Variants in MICAL2 observed in about 807,000 individuals in gnomAD.
The protein encoded by MICAL2 is microtubule associated monooxygenase, calponin and LIM domain containing 2.
Under a neutral mutation model 127.3 loss-of-function variants are expected in MICAL2, and 77 were observed. The ratio of observed to expected loss-of-function variants is 0.60; its 90% CI spans 0.50 to 0.73. MICAL2 has a LOEUF of 0.73. Ranked by LOEUF, MICAL2 falls within the 30% of genes least tolerant of loss-of-function variation. The pLI is 0.00. For synonymous variants in MICAL2, 570 were observed against 551.1 expected (o/e 1.03, Z -0.48); for missense variants, 1,351 against 1,434.4 (o/e 0.94, Z 0.94).
At chr11:12,306,273 T>C (rs965919621) in intron 29 of MICAL2, among the ~76,000 whole-genome samples, 2 of 140,834 alleles carry the variant, frequency 1.4e-5, no homozygotes, top group Non-Finnish European at 3.0e-5. Flanking sequence ...AATGTAACCT[T>C]TTCTTTCAAC....
In MICAL2 at chr11:12,259,802, C is replaced by T. The variant is rs756257815; in HGVS notation, c.3239C>T (p.Ala1080Val). Residue 1080 changes from alanine to valine, a missense_variant, in exon 26 of 28, where the codon GCA becomes GTA. Ala to Val is a moderately conservative substitution (Grantham distance 64). This residue lies in a region of MICAL2 where 752 missense variants were observed against 719.4 expected (regional missense o/e 1.05). Transcript: ENST00000683283. Reference protein sequence around the residue: ...AELKQQREEEATWQEQEAPRR... With the variant: ...AELKQQREEEVTWQEQEAPRR... ...TTTCCATCTCTTTCTCAGGAGGAGG[C>T]AACATGGCAAGAGCAGGAAGCCCCT... 1.9e-6 allele frequency: 3 copies of T among 1,542,668 alleles called. No individual in the cohort carries two copies. The East Asian group carries it at 6.8e-5, about 35-fold the overall frequency.
intron 2 of MICAL2, among the ~76,000 whole-genome samples, chr11:12,146,861 C>A (rs552219745): frequency 4.7e-4 from 72 of 152,098 alleles, no homozygotes; most frequent in African/African-American, 1.6e-3. Flanking sequence ...CAATATACAC[C>A]GTGGAATACT....
intron 1 of MICAL2, among the ~76,000 whole-genome samples, chr11:12,132,083 A>T (rs1851464827): frequency 1.3e-5 from 2 of 152,138 alleles, no homozygotes; most frequent in South Asian, 4.1e-4. Context: ...CAAGGCAGGG[A>T]TCCAAGCCTA....
intron 25 of MICAL2, chr11:12,259,542 G>T (rs1311271559): frequency 9.9e-6 from 4 of 402,924 alleles, no homozygotes; most frequent in Non-Finnish European, 1.8e-5. Context: ...TTTACTTGAT[G>T]TATATCATTA....
intron 29 of MICAL2, among the ~76,000 whole-genome samples, chr11:12,306,353 T>C (rs1864109096): frequency 6.6e-6 from 1 of 152,176 alleles, no homozygotes; most frequent in South Asian, 2.1e-4. Flanking sequence ...CTATATTTCA[T>C]TGTGGGAATA....
chr11:12,208,164 C>A, intron 5 of MICAL2, 25 bp downstream of exon 5: 4 of 1,551,770 alleles, frequency 2.6e-6, no homozygotes, highest in South Asian at 1.1e-5. Context: ...TCTTTTTCTG[C>A]CTAGAAAGCA....
downstream of MICAL2, among the ~76,000 whole-genome samples, chr11:12,360,311 T>C (rs953651946): frequency 1.3e-5 from 2 of 152,118 alleles, no homozygotes; most frequent in East Asian, 3.9e-4. Flanking sequence ...GTGTTATAAT[T>C]TGGAGAAGAC....
At chr11:12,223,537 G>C in intron 12 of MICAL2, 36 bp downstream of exon 12, 1 of 1,584,970 alleles carries the variant, frequency 6.3e-7, no homozygotes, top group Non-Finnish European at 8.7e-7. Flanking sequence ...TGGGTGGCTG[G>C]GAAGAGCTTT....
At chr11:12,263,787 C>T (rs912577024), downstream of MICAL2, 1 of 152,596 alleles carries the variant, frequency 6.6e-6, no homozygotes, top group African/African-American at 2.4e-5. Context: ...CTTTATAAAG[C>T]TCATTGTTTC....
chr11:12,258,414 A>G, intron 24 of MICAL2, 54 bp from the exon 25 acceptor site: 1 of 1,369,722 alleles, frequency 7.3e-7, no homozygotes, highest in Non-Finnish European at 1.0e-6. Flanking sequence ...TTGTCTACTT[A>G]GCTCTAGTTT....
intron 4 of MICAL2, among the ~76,000 whole-genome samples, chr11:12,206,666 A>G (rs931364050): frequency 3.3e-5 from 5 of 152,122 alleles, no homozygotes; most frequent in African/African-American, 4.8e-5. Context: ...TTCCTCCTCC[A>G]GTTCCCACTG....
downstream of MICAL2, among the ~76,000 whole-genome samples, chr11:12,293,213 C>T (rs1371410425): frequency 6.6e-6 from 1 of 152,130 alleles, no homozygotes; most frequent in Non-Finnish European, 1.5e-5. Flanking sequence ...TGCCTGGCCA[C>T]CCACAGAGGC....
intron 22 of MICAL2, 124 bp from the exon 23 acceptor site, chr11:12,255,519 C>A: frequency 1.3e-6 from 1 of 778,070 alleles, no homozygotes. Flanking sequence ...TCTCCTGGGT[C>A]GTGGGGTGCT....
chr11:12,176,016 C>T (rs1192302744), intron 3 of MICAL2, among the ~76,000 whole-genome samples: 8 of 152,158 alleles, frequency 5.3e-5, no homozygotes, highest in Non-Finnish European at 1.0e-4. Context: ...AGGTAAGGAA[C>T]TGTGAAATCT....
intron 1 of MICAL2, among the ~76,000 whole-genome samples, chr11:12,114,651 T>C (rs1051767627): frequency 3.9e-5 from 6 of 152,200 alleles, no homozygotes; most frequent in Admixed American, 1.3e-4. Context: ...AGTTGTATCA[T>C]AGCCACTCAG....
Position 12,258,521 on chromosome 11 carries a change from C to T in MICAL2, c.3196C>T (p.Arg1066Trp), listed in dbSNP as rs765537821. The T allele has an allele frequency of 1.1e-5, 18 of 1,613,954 alleles. No homozygotes were observed. The highest frequency in any genetic ancestry group is 2.7e-5 in the African/African-American group (2 of 74,920). Residue 1066 changes from arginine to tryptophan, a missense_variant, in exon 25 of 28, where the codon CGG becomes TGG. Arg to Trp is a moderately radical substitution (Grantham distance 101, BLOSUM62 -3). Transcript: ENST00000683283. The part of the protein sequence containing the change: ...FIHCKTNSKQ[R>W]KRRAELKQQR... Reference sequence around the variant, plus strand: ...TCACTGTAAAACCAATAGCAAACAACGGAAGAGACGGGCAGAGTTGAAGCA... The same window carrying T: ...TCACTGTAAAACCAATAGCAAACAATGGAAGAGACGGGCAGAGTTGAAGCA...
chr11:12,260,848 C>A, intron 26 of MICAL2: 1 of 985,470 alleles, frequency 1.0e-6, no homozygotes, highest in Non-Finnish European at 1.2e-6. Context: ...CCCCCCCATA[C>A]CAACTCACAG....
At chr11:12,206,742 G>A (rs1239799648) in intron 4 of MICAL2, among the ~76,000 whole-genome samples, 1 of 152,084 alleles carries the variant, frequency 6.6e-6, no homozygotes, top group African/African-American at 2.4e-5. Context: ...CTGTGTTCCT[G>A]TTCTAGGCCC....
intron 3 of MICAL2, among the ~76,000 whole-genome samples, chr11:12,203,367 T>C (rs576177002): frequency 1.1e-3 from 161 of 152,332 alleles, no homozygotes; most frequent in African/African-American, 3.8e-3. Flanking sequence ...CTGCACCAAT[T>C]TATTTTCCCA....
Sources: allele counts gnomAD v4.1 joint callset (sites outside exome capture counted in the v4.1 genomes callset), GRCh38; gene constraint gnomAD v4.1.1; regional missense constraint gnomAD v4.1.1; transcripts MANE v1.5; gene names NCBI Gene and HGNC (gene_info 2026-07-23, HGNC 2026-07-21).